The following NDST4 variants were observed in gnomAD, a reference collection of about 807,000 sequenced individuals.
The protein encoded by NDST4 is N-deacetylase and N-sulfotransferase 4.
A neutral mutation model predicts 100.8 loss-of-function variants in NDST4; 63 were observed. The observed-to-expected ratio is 0.62, with a 90% CI of 0.51 to 0.77. The LOEUF (loss-of-function observed/expected upper bound fraction) is 0.77, where lower values mean the gene tolerates loss of function less well. Among genes scored for constraint, NDST4 ranks in the 30% least tolerant of loss-of-function variants. The pLI, the probability that NDST4 is intolerant of heterozygous loss-of-function variation, is 0.00. For missense variants in NDST4, 943 were observed against 1,018.4 expected, an observed-to-expected ratio of 0.93 and a Z score of 1.01; for synonymous variants, 377 against 361.8, an observed-to-expected ratio of 1.04 and a Z score of -0.48.
chr4:114,983,813 C>T (rs565007759), intron 2 of NDST4, among the ~76,000 whole-genome samples: 9 of 152,148 alleles, frequency 5.9e-5, no homozygotes, highest in African/African-American at 2.2e-4. Context: ...AATTGTAATC[C>T]CCACATGTGG....
At chr4:114,977,917 T>G (rs1726674700) in intron 2 of NDST4, among the ~76,000 whole-genome samples, 1 of 151,980 alleles carries the variant, frequency 6.6e-6, no homozygotes, top group Non-Finnish European at 1.5e-5. Flanking sequence ...TTTCCCTAGT[T>G]TCTAGATTTG....
At chr4:114,858,005 G>T (rs915282243) in intron 7 of NDST4, among the ~76,000 whole-genome samples, 1 of 152,136 alleles carries the variant, frequency 6.6e-6, no homozygotes, top group African/African-American at 2.4e-5. Context: ...ACATTCCTAC[G>T]TGTTGCCTAA....
chr4:115,104,833 G>C (rs1729804614), intron 1 of NDST4, among the ~76,000 whole-genome samples: 1 of 151,956 alleles, frequency 6.6e-6, no homozygotes, highest in Middle Eastern at 3.2e-3. Context: ...AATCACTCAG[G>C]GGATACTTTA....
At chr4:115,050,663 T>C (rs992195453) in intron 2 of NDST4, among the ~76,000 whole-genome samples, 2 of 152,118 alleles carry the variant, frequency 1.3e-5, no homozygotes, top group African/African-American at 4.8e-5. Context: ...ATTCTTATCT[T>C]GCTTGGTTAT....
At chr4:115,023,909 G>T (rs1036504649) in intron 2 of NDST4, among the ~76,000 whole-genome samples, 2 of 152,104 alleles carry the variant, frequency 1.3e-5, no homozygotes, top group African/African-American at 4.8e-5. Flanking sequence ...CCAGATCTGC[G>T]ATGGTCATCT....
At chr4:114,858,570 A>G (rs1369493045) in intron 7 of NDST4, among the ~76,000 whole-genome samples, 4 of 152,238 alleles carry the variant, frequency 2.6e-5, no homozygotes, top group African/African-American at 4.8e-5. Context: ...GCATTAAATC[A>G]TAAACTATTA....
At chr4:114,854,855 T>C (rs907081489) in intron 7 of NDST4, among the ~76,000 whole-genome samples, 5 of 152,198 alleles carry the variant, frequency 3.3e-5, no homozygotes, top group Non-Finnish European at 7.4e-5. Flanking sequence ...GGAAACTCCA[T>C]ATTGTTTTCC....
intron 2 of NDST4, among the ~76,000 whole-genome samples, chr4:115,047,921 T>G (rs2126277409): frequency 6.6e-6 from 1 of 151,960 alleles, no homozygotes; most frequent in African/African-American, 2.4e-5. Context: ...ATTTGATTTT[T>G]TTCAACCTTT....
chr4:115,047,674 T>C (rs964360347), intron 2 of NDST4, among the ~76,000 whole-genome samples: 1 of 152,122 alleles, frequency 6.6e-6, no homozygotes, highest in Non-Finnish European at 1.5e-5. Context: ...AAGCCTGATT[T>C]GGGTGGTAAG....
At chr4:115,036,139 T>A (rs769722626) in intron 2 of NDST4, among the ~76,000 whole-genome samples, 23 of 151,796 alleles carry the variant, frequency 1.5e-4, no homozygotes, top group Admixed American at 4.6e-4. Context: ...TGTGTTTTTT[T>A]ATAGCAAAAG....
chr4:114,874,267 G>C (rs1413187844), intron 6 of NDST4, among the ~76,000 whole-genome samples: 1 of 152,094 alleles, frequency 6.6e-6, no homozygotes, highest in African/African-American at 2.4e-5. Flanking sequence ...GATTTTCGCA[G>C]CAGACTGGTT....
intron 4 of NDST4, among the ~76,000 whole-genome samples, chr4:114,965,981 C>T (rs115618826): frequency 0.027 from 4,035 of 151,808 alleles, 181 homozygotes; most frequent in African/African-American, 0.089. Flanking sequence ...TATTTATTGA[C>T]GTACTCAAGC....
At chr4:114,833,516 C>T (rs1294665327) in intron 12 of NDST4, 90 bp downstream of exon 12, 4 of 772,516 alleles carry the variant, frequency 5.2e-6, no homozygotes, top group Non-Finnish European at 8.9e-6. Context: ...TAAATTCTAG[C>T]TAGTATTAAT....
intron 1 of NDST4, among the ~76,000 whole-genome samples, chr4:115,103,260 T>G (rs1729769002): frequency 6.6e-6 from 1 of 152,136 alleles, no homozygotes; most frequent in South Asian, 2.1e-4. Flanking sequence ...GCTATAAATT[T>G]TAATTATCAA....
chr4:115,035,301 A>G (rs1158985791), intron 2 of NDST4, among the ~76,000 whole-genome samples: 4 of 152,148 alleles, frequency 2.6e-5, no homozygotes, highest in African/African-American at 4.8e-5. Flanking sequence ...ACAATAATGC[A>G]AGAAATTGCA....
chr4:114,951,085 A>G (rs1318887942), intron 4 of NDST4, among the ~76,000 whole-genome samples: 1 of 152,080 alleles, frequency 6.6e-6, no homozygotes, highest in Non-Finnish European at 1.5e-5. Context: ...AGAAACAAGC[A>G]AAAAATAAAG....
intron 2 of NDST4, among the ~76,000 whole-genome samples, chr4:115,048,502 C>A (rs538278243): frequency 1.3e-5 from 2 of 152,142 alleles, no homozygotes; most frequent in South Asian, 2.1e-4. Flanking sequence ...GCATTTTGAT[C>A]AAAAATCTTA....
chr4:114,947,397 G>GT (rs1372065570), intron 4 of NDST4, among the ~76,000 whole-genome samples: 2 of 152,192 alleles, frequency 1.3e-5, no homozygotes, highest in African/African-American at 4.8e-5. Context: ...CAACAAAGAT[G>GT]TGGTAGCATG....
At chr4:115,046,911 C>T (rs1233447739) in intron 2 of NDST4, among the ~76,000 whole-genome samples, 1 of 151,938 alleles carries the variant, frequency 6.6e-6, no homozygotes, top group African/African-American at 2.4e-5. Flanking sequence ...ACTTCCTTTT[C>T]ATATATTTAA....
Sources: allele counts gnomAD v4.1 joint callset (sites outside exome capture counted in the v4.1 genomes callset), GRCh38; gene constraint gnomAD v4.1.1; transcripts MANE v1.5; gene names NCBI Gene and HGNC (gene_info 2026-07-23, HGNC 2026-07-21).